Variants in THSD7A observed in about 807,000 individuals in gnomAD.
The protein encoded by THSD7A is thrombospondin type-1 domain-containing protein 7A.
THSD7A carries 96 observed loss-of-function variants against 231.3 expected under a neutral mutation model. The observed-to-expected ratio is 0.41, with a 90% CI of 0.35 to 0.49. The LOEUF is 0.49. Ranked by LOEUF, THSD7A falls within the 20% of genes least tolerant of loss-of-function variation. The pLI is 0.05. For missense variants in THSD7A, 2,290 were observed against 2,070.2 expected, an observed-to-expected ratio of 1.11 and a Z score of -2.06; for synonymous variants, 940 against 743.3, an observed-to-expected ratio of 1.26 and a Z score of -4.30.
intron 16 of THSD7A, among the ~76,000 whole-genome samples, chr7:11,418,430 T>C (rs767710162): frequency 3.3e-5 from 5 of 152,208 alleles, no homozygotes; most frequent in Admixed American, 6.5e-5. Context: ...CTCTGGGCAC[T>C]TAAGTATTAT....
In THSD7A at chr7:11,590,072, A is replaced by AT. The variant is rs1376439049; in HGVS notation, c.1453+387dup. 2.6e-5 allele frequency among the ~76,000 whole-genome samples: 4 copies of AT among 152,170 alleles called. No homozygotes were observed. Among genetic ancestry groups the AT allele is most frequent in the Non-Finnish European group, 4.4e-5 (3 of 68,028 alleles). On this transcript the variant is annotated intron_variant, in intron 4 of 27. Coordinates refer to ENST00000423059, the MANE Select transcript of THSD7A (RefSeq NM_015204.3). This position sits in a 1 kb window ranked among gnomAD's most constrained non-coding sequence, Gnocchi z 4.4. ...TTTAACCACATTTTATCCAAATAAG[A>AT]TTTCTTTTGACAAGCAGGTTTTACT...
At chr7:11,391,843 A>C (rs1178537852) in intron 23 of THSD7A, among the ~76,000 whole-genome samples, 1 of 152,060 alleles carries the variant, frequency 6.6e-6, no homozygotes, top group Admixed American at 6.5e-5. Flanking sequence ...TCCCTTGGCT[A>C]GGGCAGGGAA....
chr7:11,562,704 G>A (rs897491998), intron 4 of THSD7A, among the ~76,000 whole-genome samples: 1 of 151,992 alleles, frequency 6.6e-6, no homozygotes, highest in Non-Finnish European at 1.5e-5. Flanking sequence ...AGTTACAAAT[G>A]GCTTTCTGTT....
chr7:11,460,860 C>A (rs909830361), intron 10 of THSD7A, 95 bp from the exon 11 acceptor site: 1 of 900,126 alleles, frequency 1.1e-6, no homozygotes, highest in Non-Finnish European at 1.8e-6. Flanking sequence ...TTGACCACTG[C>A]AAACACAGTT....
chr7:11,474,607 C>G lies in THSD7A; in HGVS notation c.2018-39G>C. 6.7e-7 allele frequency: 1 copy of G among 1,493,108 alleles called. No homozygotes were observed. Among genetic ancestry groups the G allele is most frequent in the Non-Finnish European group, 9.2e-7 (1 of 1,087,918 alleles). 92.5% of individuals were successfully genotyped at this position (1,493,108 alleles called of 1,614,324 possible). On this transcript the variant is annotated intron_variant, in intron 7 of 27. Coordinates refer to ENST00000423059, the MANE Select transcript of THSD7A (RefSeq NM_015204.3). This position sits in a 1 kb window ranked among gnomAD's most constrained non-coding sequence, Gnocchi z 4.1. ...CAATGATAGCAAATTAGATACGGTG[C>G]CAACAGGAACCTTACCATACTCTGT...
chr7:11,701,504 A>G (rs1780599829), intron 1 of THSD7A, among the ~76,000 whole-genome samples: 1 of 151,222 alleles, frequency 6.6e-6, no homozygotes, highest in Non-Finnish European at 1.5e-5. Context: ...ATAAATAAAC[A>G]TATTTAAAAT....
chr7:11,381,998 T>A (rs1035404937), intron 24 of THSD7A, among the ~76,000 whole-genome samples: 2 of 152,188 alleles, frequency 1.3e-5, no homozygotes, highest in East Asian at 3.8e-4. Context: ...GTAGGTCAGC[T>A]GCTCAGATGG....
intron 1 of THSD7A, among the ~76,000 whole-genome samples, chr7:11,732,136 G>C (rs954095797): frequency 6.6e-6 from 1 of 151,614 alleles, no homozygotes; most frequent in Admixed American, 6.6e-5. Flanking sequence ...AAGAGATAAT[G>C]CTGTTTATTG....
chr7:11,521,331 A>T (rs1291215187), intron 6 of THSD7A, among the ~76,000 whole-genome samples: 1 of 152,130 alleles, frequency 6.6e-6, no homozygotes, highest in East Asian at 1.9e-4. Context: ...ATTTAGCTGT[A>T]TATTTACAAA....
chr7:11,513,930 C>T (rs60091264), intron 6 of THSD7A, among the ~76,000 whole-genome samples: 10,529 of 151,554 alleles, frequency 0.069, 1,229 homozygotes, highest in African/African-American at 0.24. Context: ...CAAGCACACA[C>T]GCATAGGTGC....
chr7:11,484,401 C>A (rs1254615464), intron 6 of THSD7A, among the ~76,000 whole-genome samples: 1 of 152,128 alleles, frequency 6.6e-6, no homozygotes, highest in African/African-American at 2.4e-5. Context: ...TACACAGAAT[C>A]CTGTTTTTCA....
chr7:11,795,022 T>G (rs1784081594), intron 1 of THSD7A, among the ~76,000 whole-genome samples: 1 of 151,998 alleles, frequency 6.6e-6, no homozygotes, highest in South Asian at 2.1e-4. Context: ...ATGCATAACA[T>G]AGGCTGCATG....
intron 1 of THSD7A, among the ~76,000 whole-genome samples, chr7:11,704,095 G>A (rs973471411): frequency 6.6e-6 from 1 of 151,024 alleles, no homozygotes; most frequent in South Asian, 2.1e-4. Flanking sequence ...AAGGAACAAA[G>A]CATCGAAAGT....
At chr7:11,734,532 A>G (rs1025086822) in intron 1 of THSD7A, among the ~76,000 whole-genome samples, 8 of 152,114 alleles carry the variant, frequency 5.3e-5, no homozygotes, top group Admixed American at 5.3e-4. Flanking sequence ...ATTTTTAACT[A>G]TCCAATAAAA....
chr7:11,391,393 C>T (rs1782975561), intron 23 of THSD7A, among the ~76,000 whole-genome samples: 1 of 152,196 alleles, frequency 6.6e-6, no homozygotes, highest in South Asian at 2.1e-4. Context: ...ACTTTATTTA[C>T]ACTGTGAAGG....
At chr7:11,395,883 T>G (rs1187424776) in intron 23 of THSD7A, among the ~76,000 whole-genome samples, 2 of 152,182 alleles carry the variant, frequency 1.3e-5, no homozygotes, top group African/African-American at 4.8e-5. Flanking sequence ...GACCACATAG[T>G]TGGAGGTAAA....
At chr7:11,826,925 A>G (rs1785049638) in intron 1 of THSD7A, among the ~76,000 whole-genome samples, 1 of 152,130 alleles carries the variant, frequency 6.6e-6, no homozygotes, top group South Asian at 2.1e-4. Flanking sequence ...AATGCTTCCC[A>G]ATTATTCACA....
chr7:11,397,046 A>G (rs1019623771), intron 23 of THSD7A, among the ~76,000 whole-genome samples: 1 of 152,210 alleles, frequency 6.6e-6, no homozygotes, highest in Admixed American at 6.5e-5. Flanking sequence ...GATTATCTCA[A>G]TAGATGCAGA....
chr7:11,523,698 C>G (rs10275450), intron 6 of THSD7A, among the ~76,000 whole-genome samples: 37,335 of 151,702 alleles, frequency 0.25, 5,473 homozygotes, highest in African/African-American at 0.41. Context: ...CAGAAGAATT[C>G]ACAGGAATAA....
Sources: allele counts gnomAD v4.1 joint callset (sites outside exome capture counted in the v4.1 genomes callset), GRCh38; gene constraint gnomAD v4.1.1; non-coding constraint Gnocchi (gnomAD v3.1); transcripts MANE v1.5; gene names NCBI Gene and HGNC (gene_info 2026-07-23, HGNC 2026-07-21).